Variants in DZIP3 observed in about 807,000 individuals in gnomAD.
The protein encoded by DZIP3 is DAZ interacting zinc finger protein 3, also known as E3 ubiquitin-protein ligase DZIP3.
A neutral mutation model predicts 162.0 loss-of-function variants in DZIP3; 118 were observed. That is an observed-to-expected ratio of 0.73 (90% CI 0.63 to 0.85). The LOEUF (loss-of-function observed/expected upper bound fraction) is 0.85. DZIP3 is among the 40% of genes least tolerant of loss of function. DZIP3 has a pLI of 0.00. For synonymous variants in DZIP3, 438 were observed against 458.6 expected (o/e 0.96, Z 0.57); for missense variants, 1,331 against 1,407.0 (o/e 0.95, Z 0.86).
intron 5 of DZIP3, among the ~76,000 whole-genome samples, chr3:108,618,339 A>G (rs1230755264): frequency 2.6e-5 from 4 of 152,158 alleles, no homozygotes; most frequent in Non-Finnish European, 5.9e-5. Flanking sequence ...TTATTCATGA[A>G]GCTGTTTTCT....
chr3:108,685,254 T>C (rs1170460459), intron 27 of DZIP3, among the ~76,000 whole-genome samples: 1 of 152,156 alleles, frequency 6.6e-6, no homozygotes, highest in Non-Finnish European at 1.5e-5. Context: ...TATAAGAAAC[T>C]ATGATAAAAT....
intron 14 of DZIP3, among the ~76,000 whole-genome samples, chr3:108,646,214 T>C (rs1942616503): frequency 6.6e-6 from 1 of 152,160 alleles, no homozygotes; most frequent in Non-Finnish European, 1.5e-5. Context: ...TCAATAAATA[T>C]TAATGGGCAA....
rs1332287577 is a variant in DZIP3, at chr3:108,675,760, C to G, written c.2694-26C>G. The G allele has an allele frequency of 6.3e-6, 10 of 1,577,978 alleles. 1 individual carries two copies. In the Admixed American group the frequency reaches 2.0e-4, roughly 31 times the overall value. On this transcript the variant is annotated intron_variant, in intron 24 of 32. Coordinates refer to ENST00000361582, the MANE Select transcript of DZIP3 (RefSeq NM_014648.4). Reference sequence around the variant, plus strand: ...AAGTGTTATAAAAAGAAAGAGTTTTCTTTTGTGTCTCCTTTTCTACAACAG... The same window carrying G: ...AAGTGTTATAAAAAGAAAGAGTTTTGTTTTGTGTCTCCTTTTCTACAACAG...
chr3:108,631,055 A>ACACACACATACACACTCTCTCTCTCTCT, intron 8 of DZIP3, among the ~76,000 whole-genome samples: 1 of 18,006 alleles, frequency 5.6e-5, no homozygotes, highest in African/African-American at 2.8e-4. Context: ...ACACACACAC[A>ACACACACATACACACTCTCTCTCTCTCT]CTCTCTCTCT....
chr3:108,661,800 C>A, intron 19 of DZIP3, 77 bp from the exon 20 acceptor site: 1 of 1,166,094 alleles, frequency 8.6e-7, no homozygotes, highest in Non-Finnish European at 1.2e-6. Context: ...AGTTAGATGG[C>A]AACTTTAAAT....
chr3:108,599,919 C>T (rs1205890224), intron 1 of DZIP3, among the ~76,000 whole-genome samples: 3 of 152,152 alleles, frequency 2.0e-5, no homozygotes, highest in African/African-American at 7.2e-5. Flanking sequence ...TTCTATAGTA[C>T]TTTACTATAG....
chr3:108,653,003 A>AATT (rs771535322), intron 18 of DZIP3, among the ~76,000 whole-genome samples: 2 of 151,930 alleles, frequency 1.3e-5, no homozygotes, highest in Non-Finnish European at 2.9e-5. Flanking sequence ...GTACTTTAAA[A>AATT]AATTTAGGAA....
At chr3:108,614,693 C>T (rs1940906739) in intron 4 of DZIP3, among the ~76,000 whole-genome samples, 1 of 152,004 alleles carries the variant, frequency 6.6e-6, no homozygotes, top group Non-Finnish European at 1.5e-5. Context: ...ATTAATATTC[C>T]CCCATCACCC....
At chr3:108,605,493 A>G (rs1038027529) in intron 2 of DZIP3, 55 bp downstream of exon 2, 19 of 1,575,322 alleles carry the variant, frequency 1.2e-5, no homozygotes, top group Admixed American at 7.0e-5. Flanking sequence ...CGTGGAAAAC[A>G]ATTTTTCCAC....
chr3:108,640,486 C>T (rs1942352632), intron 12 of DZIP3, among the ~76,000 whole-genome samples: 1 of 148,130 alleles, frequency 6.8e-6, no homozygotes, highest in African/African-American at 2.5e-5. Context: ...CGCCCTGTCA[C>T]CCAGGTTGGA....
intron 1 of DZIP3, among the ~76,000 whole-genome samples, chr3:108,604,949 GA>G (rs140223893): frequency 6.6e-6 from 1 of 151,962 alleles, no homozygotes; most frequent in African/African-American, 2.4e-5. Flanking sequence ...ATTTATAATA[GA>G]AAAAAATGGG....
intron 17 of DZIP3, among the ~76,000 whole-genome samples, chr3:108,650,460 C>T (rs180746926): frequency 2.0e-5 from 3 of 151,768 alleles, no homozygotes; most frequent in Non-Finnish European, 4.4e-5. Context: ...GAGAAGGAGA[C>T]CCTGAAGTTT....
intron 5 of DZIP3, among the ~76,000 whole-genome samples, chr3:108,620,372 G>C (rs778192720): frequency 1.3e-5 from 2 of 152,122 alleles, no homozygotes; most frequent in South Asian, 2.1e-4. Context: ...ACATAGCAAG[G>C]CACCTTTATC....
intron 5 of DZIP3, among the ~76,000 whole-genome samples, chr3:108,618,011 T>A (rs1941109496): frequency 6.6e-6 from 1 of 152,248 alleles, no homozygotes; most frequent in South Asian, 2.1e-4. Flanking sequence ...TTGCTGTATC[T>A]AAATTACTCT....
chr3:108,624,394 G>T (rs1269902049), intron 5 of DZIP3, 50 bp from the exon 6 acceptor site: 2 of 1,024,364 alleles, frequency 2.0e-6, no homozygotes. Context: ...TTGTTGTACT[G>T]AAAAGTAGCT....
intron 25 of DZIP3, among the ~76,000 whole-genome samples, chr3:108,676,259 G>A (rs2107371904): frequency 6.6e-6 from 1 of 152,134 alleles, no homozygotes; most frequent in Non-Finnish European, 1.5e-5. Flanking sequence ...GTTATGGTGA[G>A]TTATGATCAT....
At chr3:108,624,368 G>GA (rs1941500096) in intron 5 of DZIP3, 76 bp from the exon 6 acceptor site, 1 of 762,902 alleles carries the variant, frequency 1.3e-6, no homozygotes, top group Non-Finnish European at 2.3e-6. Context: ...ATTAAGCTTA[G>GA]GATATTTAAT....
At chr3:108,626,087 T>C in intron 7 of DZIP3, 118 bp downstream of exon 7, 3 of 1,170,628 alleles carry the variant, frequency 2.6e-6, no homozygotes, top group Non-Finnish European at 3.5e-6. Flanking sequence ...TTTTATCCTT[T>C]TCTTCTTTGC....
intron 21 of DZIP3, among the ~76,000 whole-genome samples, chr3:108,667,868 A>G (rs1353453794): frequency 6.6e-6 from 1 of 152,098 alleles, no homozygotes; most frequent in African/African-American, 2.4e-5. Context: ...CATAGTACTG[A>G]ACCTAGGCAT....
Sources: gnomAD v4.1 joint callset for allele counts (sites outside exome capture counted in the v4.1 genomes callset) on GRCh38, gnomAD v4.1.1 for gene constraint, MANE v1.5 for transcripts, NCBI Gene and HGNC (gene_info 2026-07-23, HGNC 2026-07-21) for gene names.